F2: variants seen among roughly 807,000 people sequenced by gnomAD.
F2 encodes the protein prothrombin.
F2 carries 34 observed loss-of-function variants against 81.9 expected under a neutral mutation model. The ratio of observed to expected loss-of-function variants is 0.42; its 90% CI spans 0.32 to 0.55. F2 has a LOEUF of 0.55. Among genes scored for constraint, F2 ranks in the 20% least tolerant of loss-of-function variants. The pLI, the probability that F2 is intolerant of heterozygous loss-of-function variation, is 0.18. For synonymous variants in F2, 296 were observed against 326.4 expected, an observed-to-expected ratio of 0.91 and a Z score of 1.01; for missense variants, 630 against 833.4, an observed-to-expected ratio of 0.76 and a Z score of 3.00.
chr11:46,734,106 T>A (rs1459974498), intron 12 of F2, among the ~76,000 whole-genome samples: 1 of 147,758 alleles, frequency 6.8e-6, no homozygotes, highest in South Asian at 2.1e-4. Flanking sequence ...TTTTATATAA[T>A]TTTTTTTTTG....
Position 46,719,617 on chromosome 11 carries a change from G to A in F2, c.80-85G>A, listed in dbSNP as rs1434386263. 1.3e-6 allele frequency: 2 copies of A among 1,502,344 alleles called. No individual in the cohort carries two copies. Among genetic ancestry groups the A allele is most frequent in the African/African-American group, 2.8e-5 (2 of 72,126 alleles). The allele number at this position is 1,502,344 out of a possible 1,614,324, so 93.1% of individuals were successfully genotyped here. A position where few individuals can be genotyped will look rare whatever the true frequency, so the allele number is the denominator to read the frequency against. ...GCCTCTCTCAGAAGCCAGCAGGGGA[G>A]GGTGGGCTTGCTTCATGCCCCCAGA... On this transcript the variant is annotated intron_variant, in intron 1 of 13. Transcript: ENST00000311907. The surrounding 1 kb of genome is among the most constrained non-coding windows in gnomAD (Gnocchi z 4.7).
chr11:46,720,884 G>A (rs1256542802), intron 4 of F2, 44 bp downstream of exon 4: 2 of 1,611,570 alleles, frequency 1.2e-6, no homozygotes, highest in African/African-American at 1.3e-5. Context: ...ATGGAGGGGA[G>A]CCTGGGAGAA....
rs868768555 is a variant in F2, at chr11:46,719,840, C to A, written c.218C>A (p.Ala73Asp). ...TGCAGCTACGAGGAGGCCTTCGAGGCTCTGGAGTCCTCCACGGCTACGGTG... is the reference window on the plus strand; with the variant it reads ...TGCAGCTACGAGGAGGCCTTCGAGGATCTGGAGTCCTCCACGGCTACGGTG... ...ETCSYEEAFE[A>D]LESSTATDVF... Residue 73 changes from alanine (A) to aspartate (D), a missense_variant, in exon 2 of 14, where the codon GCT (alanine) becomes GAT (aspartate). Transcript: ENST00000311907. The surrounding 1 kb of genome is among the most constrained non-coding windows in gnomAD (Gnocchi z 4.7). The A allele has an allele frequency of 6.3e-7, 1 of 1,575,594 alleles. No individual in the cohort carries two copies. Among genetic ancestry groups the A allele is most frequent in the Admixed American group, 1.9e-5 (1 of 53,780 alleles).
chr11:46,721,014 C>T (rs975079902), intron 4 of F2, among the ~76,000 whole-genome samples, 174 bp downstream of exon 4: 2 of 151,950 alleles, frequency 1.3e-5, no homozygotes, highest in African/African-American at 2.4e-5. Context: ...GTCTGGCATG[C>T]GAACGAATGA....
intron 4 of F2, among the ~76,000 whole-genome samples, chr11:46,721,818 C>A (rs2064838444): frequency 6.6e-6 from 1 of 151,938 alleles, no homozygotes; most frequent in Admixed American, 6.6e-5. Context: ...GTGTGAGCCA[C>A]CATGCCTGGC....
rs960767259 is a variant in F2, at chr11:46,726,986, T to C, written c.1130+149T>C. On this transcript the variant is annotated intron_variant, in intron 9 of 13. Transcript: ENST00000311907. The surrounding 1 kb of genome is among the most constrained non-coding windows in gnomAD (Gnocchi z 5.9). ...CCACCAACTCCACACAGCAGCCACA[T>C]GAGATGGGTTGTTTACTTCTTTTTT... The C allele has an allele frequency of 2.5e-6, 3 of 1,209,290 alleles. No individual in the cohort carries two copies. Among genetic ancestry groups the C allele is most frequent in the Non-Finnish European group, 3.5e-6 (3 of 860,906 alleles). 74.9% of individuals were successfully genotyped at this position (1,209,290 alleles called of 1,614,324 possible).
Position 46,719,244 on chromosome 11 carries a change from C to T in F2, c.9C>T (p.His3=), listed in dbSNP as rs763098369. Residue 3 remains histidine (H), a synonymous_variant, in exon 1 of 14, where the codon CAC becomes CAT. Coordinates refer to ENST00000311907, the MANE Select transcript of F2 (RefSeq NM_000506.5). This position sits in a 1 kb window ranked among gnomAD's most constrained non-coding sequence, Gnocchi z 4.7. MA[H]VRGLQLPGCL... The stretch of plus-strand genomic sequence containing the variant: ...CCAGGAGCTGACACACTATGGCGCA[C>T]GTCCGAGGCTTGCAGCTGCCTGGCT... 30 of 1,613,730 alleles carry T rather than the reference C, an allele frequency of 1.9e-5. No individual in the cohort carries two copies. The highest frequency in any genetic ancestry group is 5.3e-5 in the African/African-American group (4 of 74,954).
At chr11:46,724,664 G>A (rs1347009790) in intron 6 of F2, among the ~76,000 whole-genome samples, 2 of 152,194 alleles carry the variant, frequency 1.3e-5, no homozygotes, top group African/African-American at 4.8e-5. Context: ...TGTGGATGCA[G>A]GCAGGGGTAA....
At chr11:46,736,640 G>A (rs1314336766) in intron 12 of F2, among the ~76,000 whole-genome samples, 1 of 152,170 alleles carries the variant, frequency 6.6e-6, no homozygotes, top group Non-Finnish European at 1.5e-5. Context: ...TTAAGGATGA[G>A]TATGTTTCTG....
chr11:46,723,334 G>A lies in F2; in HGVS notation c.423-48G>A, dbSNP rs1208791677. 1.2e-6 allele frequency: 2 copies of A among 1,613,628 alleles called. No individual in the cohort carries two copies. Among genetic ancestry groups the A allele is most frequent in the Non-Finnish European group, 1.7e-6 (2 of 1,179,548 alleles). On this transcript the variant is annotated intron_variant, in intron 5 of 13. Transcript: ENST00000311907. The surrounding 1 kb of genome is among the most constrained non-coding windows in gnomAD (Gnocchi z 5.6). ...ACCATGGGCTGAGAACAGGGAGCAA[G>A]CGTACCTCAAGCCCAACAGCCTCCT...
chr11:46,726,071 G>A lies in F2; in HGVS notation c.772G>A (p.Val258Met), dbSNP rs772645835. 6.2e-7 allele frequency: 1 copy of A among 1,614,216 alleles called. No homozygotes were observed. Among genetic ancestry groups the A allele is most frequent in the African/African-American group, 1.3e-5 (1 of 75,070 alleles). The change falls in exon 7 of 14, where the codon GTG becomes ATG. Residue 258 changes from valine (V) to methionine (M), a missense_variant. By Grantham distance (21) the Val-to-Met change is conservative. Transcript: ENST00000311907. The surrounding 1 kb of genome is among the most constrained non-coding windows in gnomAD (Gnocchi z 5.9). ...HQDFNSAVQL[V>M]ENFCRNPDGD... Reference sequence around the variant, plus strand: ...GGACTTCAACTCAGCTGTGCAGCTGGTGGAGAACTTCTGCCGCAACCCAGA... The same window carrying A: ...GGACTTCAACTCAGCTGTGCAGCTGATGGAGAACTTCTGCCGCAACCCAGA...
rs761334142 is a variant in F2, at chr11:46,725,851, C to T, written c.560-8C>T. 6.2e-7 allele frequency: 1 copy of T among 1,612,062 alleles called. No individual in the cohort carries two copies. The highest frequency in any genetic ancestry group is 1.1e-5 in the South Asian group (1 of 91,038). On this transcript the variant is annotated splice_region_variant and splice_polypyrimidine_tract_variant and intron_variant, in intron 6 of 13. Transcript: ENST00000311907. The stretch of plus-strand genomic sequence containing the variant: ...CACTCTGCTGCCTCCTTGCCCCTCA[C>T]CCACCAGGCCAGGATCAAGTCACTG...
chr11:46,720,539 A>G lies in F2; in HGVS notation c.257A>G (p.Lys86Arg). The G allele has an allele frequency of 6.2e-7, 1 of 1,614,156 alleles. No individual in the cohort carries two copies. The highest frequency in any genetic ancestry group is 1.3e-5 in the African/African-American group (1 of 75,032). Residue 86 changes from lysine (K) to arginine (R), a missense_variant, in exon 3 of 14, where the codon AAG becomes AGG. By Grantham distance (26) the Lys-to-Arg change is conservative. Transcript: ENST00000311907. ...GTTTTTCAGGATGTGTTCTGGGCCA[A>G]GTACACAGGTGAGCACCGGGAAGGA... ...SSTATDVFWAKYTACETARTP... is the reference protein window; with the variant it reads ...SSTATDVFWARYTACETARTP...
chr11:46,722,020 T>C (rs1412036616), intron 4 of F2, among the ~76,000 whole-genome samples: 2 of 151,994 alleles, frequency 1.3e-5, no homozygotes, highest in African/African-American at 4.8e-5. Flanking sequence ...TTTTTTGTAT[T>C]TTTTAGTAGA....
chr11:46,739,256 C>A lies in F2; in HGVS notation c.1726-9C>A. On this transcript the variant is annotated splice_polypyrimidine_tract_variant and intron_variant, in intron 13 of 13. Coordinates refer to ENST00000311907, the MANE Select transcript of F2 (RefSeq NM_000506.5). ...TGACTCTATTGGAAACCTCATCTTTCTTCTTCAGAGCCCCTTTAACAACCG... is the reference window on the plus strand; with the variant it reads ...TGACTCTATTGGAAACCTCATCTTTATTCTTCAGAGCCCCTTTAACAACCG... The A allele has an allele frequency of 6.2e-7, 1 of 1,613,714 alleles. No homozygotes were observed. Among genetic ancestry groups the A allele is most frequent in the Middle Eastern group, 1.6e-4 (1 of 6,062 alleles).
chr11:46,728,131 T>C lies in F2; in HGVS notation c.1266T>C (p.Leu422=), dbSNP rs746237252. Residue 422 remains leucine (L), a synonymous_variant, in exon 10 of 14, where the codon CTT becomes CTC. Transcript: ENST00000311907. This position sits in a 1 kb window ranked among gnomAD's most constrained non-coding sequence, Gnocchi z 5.1. ...PWDKNFTEND[L]LVRIGKHSRT... is the part of the protein sequence containing the mutation. ...ACAAGAACTTCACCGAGAATGACCT[T>C]CTGGTGCGCATTGGCAAGCACTCCC... 2 of 1,610,710 alleles carry C rather than the reference T, an allele frequency of 1.2e-6. No homozygotes were observed. Among genetic ancestry groups the C allele is most frequent in the African/African-American group, 2.7e-5 (2 of 74,794 alleles).
Position 46,723,202 on chromosome 11 carries a change from T to A in F2, c.339T>A (p.Gly113=), listed in dbSNP as rs775663768. The stretch of plus-strand genomic sequence containing the variant: ...CAGGTAACTGTGCTGAGGGTCTGGG[T>A]ACGAACTACCGAGGGCATGTGAACA... The part of the protein sequence containing the change: ...CLEGNCAEGL[G]TNYRGHVNIT... The change falls in exon 5 of 14, where the codon GGT becomes GGA. Residue 113 remains glycine (G), a synonymous_variant. Transcript: ENST00000311907. This position sits in a 1 kb window ranked among gnomAD's most constrained non-coding sequence, Gnocchi z 5.6. 2 of 1,613,834 alleles carry A rather than the reference T, an allele frequency of 1.2e-6. No homozygotes were observed. Among genetic ancestry groups the A allele is most frequent in the Non-Finnish European group, 1.7e-6 (2 of 1,179,974 alleles).
At chr11:46,724,514 G>A (rs1046301519) in intron 6 of F2, among the ~76,000 whole-genome samples, 3 of 152,178 alleles carry the variant, frequency 2.0e-5, no homozygotes, top group Non-Finnish European at 4.4e-5. Context: ...GAACAGAAAA[G>A]CGTCTTCTGT....
chr11:46,727,290 G>A (rs1008341004), intron 9 of F2, among the ~76,000 whole-genome samples: 2 of 152,062 alleles, frequency 1.3e-5, no homozygotes, highest in African/African-American at 2.4e-5. Flanking sequence ...CCAAAGTGCC[G>A]GGATTACAGG....
Sources: allele counts gnomAD v4.1 joint callset (sites outside exome capture counted in the v4.1 genomes callset), GRCh38; gene constraint gnomAD v4.1.1; non-coding constraint Gnocchi (gnomAD v3.1); transcripts MANE v1.5; gene names NCBI Gene and HGNC (gene_info 2026-07-23, HGNC 2026-07-21).